The following NTNG1 variants were observed in gnomAD, a reference collection of about 807,000 sequenced individuals.
NTNG1 encodes netrin-G1.
A neutral mutation model predicts 54.0 loss-of-function variants in NTNG1; 16 were observed. That is an observed-to-expected ratio of 0.30 (90% confidence interval 0.20 to 0.45). The LOEUF (loss-of-function observed/expected upper bound fraction) is 0.45, where lower values mean the gene tolerates loss of function less well. Ranked by LOEUF, NTNG1 falls within the 20% of genes least tolerant of loss-of-function variation. The pLI is 1.00. For synonymous variants in NTNG1, 255 were observed against 263.1 expected, an observed-to-expected ratio of 0.97 and a Z score of 0.30; for missense variants, 530 against 678.7, an observed-to-expected ratio of 0.78 and a Z score of 2.43.
chr1:107,480,578 C>CCCCCCCCCCCCCACA, intron 7 of NTNG1, 33 bp from the exon 8 acceptor site: 1 of 577,312 alleles, frequency 1.7e-6, no homozygotes, highest in East Asian at 2.8e-5. Flanking sequence ...CTCCCCGCGC[C>CCCCCCCCCCCCCACA]CACCCACCCC....
intron 2 of NTNG1, among the ~76,000 whole-genome samples, chr1:107,320,035 G>T (rs147125641): frequency 6.6e-6 from 1 of 151,996 alleles, no homozygotes; most frequent in Admixed American, 6.6e-5. Context: ...TTCTGAAAGC[G>T]TATTAAGGAA....
intron 2 of NTNG1, among the ~76,000 whole-genome samples, chr1:107,152,080 A>T (rs1396620498): frequency 6.6e-6 from 1 of 151,894 alleles, no homozygotes; most frequent in African/African-American, 2.4e-5. Flanking sequence ...ACATATATAC[A>T]TGTATATACA....
intron 2 of NTNG1, among the ~76,000 whole-genome samples, chr1:107,217,183 A>G (rs564727187): frequency 6.6e-6 from 1 of 152,008 alleles, no homozygotes; most frequent in Admixed American, 6.6e-5. Flanking sequence ...AGGGTTGTGT[A>G]TTTCCAGGAA....
chr1:107,428,874 G>A (rs1162668951), intron 5 of NTNG1, among the ~76,000 whole-genome samples: 5 of 152,046 alleles, frequency 3.3e-5, no homozygotes, highest in African/African-American at 1.2e-4. Flanking sequence ...TTTTAATTTA[G>A]TAATCTGTAA....
At chr1:107,476,965 T>TA (rs1678371578) in intron 7 of NTNG1, among the ~76,000 whole-genome samples, 1 of 152,198 alleles carries the variant, frequency 6.6e-6, no homozygotes, top group South Asian at 2.1e-4. Context: ...GAGAATTTAT[T>TA]AAAAGAAATG....
intron 2 of NTNG1, among the ~76,000 whole-genome samples, chr1:107,207,846 GT>G (rs2101349850): frequency 6.6e-6 from 1 of 152,260 alleles, no homozygotes; most frequent in South Asian, 2.1e-4. Flanking sequence ...CTCAATGATA[GT>G]TAAAATTCCG....
chr1:107,193,004 A>G (rs1658074428), intron 2 of NTNG1, among the ~76,000 whole-genome samples: 1 of 152,104 alleles, frequency 6.6e-6, no homozygotes, highest in South Asian at 2.1e-4. Flanking sequence ...AAATGAGATC[A>G]GTTACAGAAT....
At chr1:107,339,584 G>A (rs1296023509) in intron 3 of NTNG1, among the ~76,000 whole-genome samples, 1 of 152,000 alleles carries the variant, frequency 6.6e-6, no homozygotes, top group East Asian at 1.9e-4. Flanking sequence ...ATTTATGTTT[G>A]TGGACTAAGA....
intron 3 of NTNG1, chr1:107,334,159 T>C (rs928552900): frequency 1.3e-5 from 2 of 152,034 alleles, no homozygotes; most frequent in African/African-American, 2.4e-5. Flanking sequence ...ATTCTTTTTT[T>C]TTCATTTGCT....
chr1:107,402,369 G>T (rs747554979), intron 4 of NTNG1, among the ~76,000 whole-genome samples: 1 of 152,114 alleles, frequency 6.6e-6, no homozygotes, highest in Non-Finnish European at 1.5e-5. Context: ...TACCACTCCC[G>T]CTCTTGAGAC....
At chr1:107,157,812 T>C (rs555279516) in intron 2 of NTNG1, among the ~76,000 whole-genome samples, 2 of 152,142 alleles carry the variant, frequency 1.3e-5, no homozygotes, top group Non-Finnish European at 2.9e-5. Context: ...TTAATACTTA[T>C]TTATATATAT....
intron 2 of NTNG1, among the ~76,000 whole-genome samples, chr1:107,181,186 G>A (rs1324761145): frequency 1.3e-5 from 2 of 152,152 alleles, no homozygotes; most frequent in South Asian, 2.1e-4. Flanking sequence ...AAAATAAGAC[G>A]TGATATTTTG....
chr1:107,198,272 A>G (rs1658484684), intron 2 of NTNG1, among the ~76,000 whole-genome samples: 1 of 151,994 alleles, frequency 6.6e-6, no homozygotes, highest in South Asian at 2.1e-4. Context: ...CTTGACTTCA[A>G]AATTATATTG....
At chr1:107,391,431 G>A (rs1440872942) in intron 3 of NTNG1, among the ~76,000 whole-genome samples, 1 of 152,188 alleles carries the variant, frequency 6.6e-6, no homozygotes, top group Non-Finnish European at 1.5e-5. Flanking sequence ...GATGATCACA[G>A]CTAAGAAAGT....
chr1:107,387,408 G>T (rs758193333), intron 3 of NTNG1, among the ~76,000 whole-genome samples: 4 of 152,208 alleles, frequency 2.6e-5, no homozygotes, highest in Admixed American at 6.5e-5. Flanking sequence ...GAGCTCTACA[G>T]TGTTTCTCAA....
intron 7 of NTNG1, among the ~76,000 whole-genome samples, chr1:107,477,105 TAA>T (rs1678379773): frequency 1.3e-5 from 2 of 152,082 alleles, no homozygotes; most frequent in South Asian, 4.2e-4. Context: ...TATCAGAAAG[TAA>T]AAGTTTGGAT....
chr1:107,418,473 T>G, intron 5 of NTNG1: 1 of 654,770 alleles, frequency 1.5e-6, no homozygotes. Flanking sequence ...ACAGCCAAGT[T>G]AAAGAGCAGA....
Position 107,166,329 on chromosome 1 carries a change from C to A in NTNG1, c.246+17490C>A, listed in dbSNP as rs112058374. Among the ~76,000 whole-genome samples, 834 of 152,230 alleles carry A rather than the reference C, an allele frequency of 5.5e-3. 5 individuals carry two copies. The highest frequency in any genetic ancestry group is 8.0e-3 in the Non-Finnish European group (544 of 67,992). On this transcript the variant is annotated intron_variant, in intron 2 of 7. Coordinates refer to ENST00000370068, the MANE Select transcript of NTNG1 (RefSeq NM_001113226.3). ...TTTATCTCAACAGTAACAAATGTTACCATTGTGCTGTCTGTGAATTAATGT... is the reference window on the plus strand; with the variant it reads ...TTTATCTCAACAGTAACAAATGTTAACATTGTGCTGTCTGTGAATTAATGT...
rs191595194 is a variant in NTNG1, at chr1:107,481,102, T to C, written c.*262T>C. ...ATCACATTGCCAGCTGCAGAGCATA[T>C]TGTGGATTGGAAAGGCTGCGACAGC... On this transcript the variant is annotated 3_prime_UTR_variant, in exon 8 of 8. Transcript: ENST00000370068. 23 of 470,632 alleles carry C rather than the reference T, an allele frequency of 4.9e-5. No individual in the cohort carries two copies. In the East Asian group the frequency reaches 6.2e-4, roughly 13 times the overall value. 29.2% of individuals were successfully genotyped at this position (470,632 alleles called of 1,614,324 possible). A position where few individuals can be genotyped will look rare whatever the true frequency, so the allele number is the denominator to read the frequency against.
Sources: allele counts gnomAD v4.1 joint callset (sites outside exome capture counted in the v4.1 genomes callset), GRCh38; gene constraint gnomAD v4.1.1; transcripts MANE v1.5; gene names NCBI Gene and HGNC (gene_info 2026-07-23, HGNC 2026-07-21).